Variants in PARP4 observed in about 807,000 individuals in gnomAD.
PARP4 encodes poly(ADP-ribose) polymerase family member 4.
In PARP4, 120 loss-of-function variants were observed where a neutral mutation model predicts 187.7. The observed-to-expected ratio is 0.64, with a 90% CI of 0.55 to 0.74. The LOEUF is 0.74. Ranked by LOEUF, PARP4 falls within the 30% of genes least tolerant of loss-of-function variation. The probability of loss-of-function intolerance (pLI) is 0.00; values close to 1 mark genes in which losing one functional copy is unlikely to be tolerated. For missense variants in PARP4, 1,836 were observed against 2,070.5 expected (o/e 0.89, Z 2.20); for synonymous variants, 654 against 740.9 (o/e 0.88, Z 1.90).
chr13:24,448,585 A>G (rs1871334102), intron 25 of PARP4, among the ~76,000 whole-genome samples: 1 of 152,320 alleles, frequency 6.6e-6, no homozygotes, highest in Non-Finnish European at 1.5e-5. Context: ...AAAACTAAAC[A>G]TAAAATGAGC....
intron 10 of PARP4, among the ~76,000 whole-genome samples, chr13:24,488,294 G>A (rs1021764804): frequency 3.3e-5 from 5 of 152,118 alleles, no homozygotes; most frequent in African/African-American, 1.2e-4. Context: ...CCTAGGGGAG[G>A]GTCAAAAGTC....
At chr13:24,480,149 A>G (rs1347960989) in intron 12 of PARP4, among the ~76,000 whole-genome samples, 1 of 152,238 alleles carries the variant, frequency 6.6e-6, no homozygotes, top group Admixed American at 6.5e-5. Flanking sequence ...TCATTCTTGA[A>G]GTCAGTGAGA....
chr13:24,503,889 T>C (rs868654399), intron 1 of PARP4, 112 bp from the exon 2 acceptor site: 5 of 863,078 alleles, frequency 5.8e-6, no homozygotes, highest in Middle Eastern at 4.5e-4. Context: ...AAGAAAGATA[T>C]TGCAATCATG....
At chr13:24,430,391 G>A (rs1225515977) in intron 32 of PARP4, among the ~76,000 whole-genome samples, 2 of 152,140 alleles carry the variant, frequency 1.3e-5, no homozygotes, top group Non-Finnish European at 2.9e-5. Context: ...GGTGGCTCAT[G>A]CCTGTAATCC....
intron 17 of PARP4, among the ~76,000 whole-genome samples, chr13:24,461,350 TAA>T (rs1011401074): frequency 2.0e-5 from 3 of 152,140 alleles, no homozygotes; most frequent in African/African-American, 7.2e-5. Context: ...CACTGCCACT[TAA>T]TAGAGTGGGA....
At chr13:24,475,161 T>C (rs144164412) in intron 15 of PARP4, among the ~76,000 whole-genome samples, 1,784 of 152,282 alleles carry the variant, frequency 0.012, 117 homozygotes, top group Admixed American at 0.1. Flanking sequence ...TGAAAGCAGC[T>C]CCTCCTGCTT....
chr13:24,491,545 G>A (rs1206951156), intron 9 of PARP4, among the ~76,000 whole-genome samples: 3 of 152,160 alleles, frequency 2.0e-5, no homozygotes, highest in Non-Finnish European at 4.4e-5. Context: ...TCTGTTGAAA[G>A]CGATTATTTC....
At chr13:24,467,178 G>A (rs1566004941) in intron 17 of PARP4, among the ~76,000 whole-genome samples, 1 of 152,166 alleles carries the variant, frequency 6.6e-6, no homozygotes, top group African/African-American at 2.4e-5. Flanking sequence ...GCAATGAGGA[G>A]GACATAAGTC....
rs576646114 is a variant in PARP4, at chr13:24,474,319, G to A, written c.1914+1153C>T. On this transcript the variant is annotated intron_variant, in intron 15 of 33. Coordinates refer to ENST00000381989, the MANE Select transcript of PARP4 (RefSeq NM_006437.4). ...AGGTCCCTTAACTGAATTGTCAATCGTCTCCTCTATGTGATGTGACGTTGG... is the reference window on the plus strand; with the variant it reads ...AGGTCCCTTAACTGAATTGTCAATCATCTCCTCTATGTGATGTGACGTTGG... Among the ~76,000 whole-genome samples the A allele has an allele frequency of 1.4e-3, 201 of 143,466 alleles. 1 individual carries two copies. Among genetic ancestry groups the A allele is most frequent in the Middle Eastern group, 7.1e-3 (2 of 280 alleles). 94.1% of individuals were successfully genotyped at this position (143,466 alleles called of 152,430 possible).
intron 1 of PARP4, among the ~76,000 whole-genome samples, chr13:24,507,277 G>A (rs549063787): frequency 6.6e-6 from 1 of 152,370 alleles, no homozygotes; most frequent in African/African-American, 2.4e-5. Context: ...AGCGTAGCCA[G>A]AGTGGGCGCC....
intron 32 of PARP4, among the ~76,000 whole-genome samples, chr13:24,430,359 A>C (rs974105910): frequency 1.1e-4 from 16 of 152,168 alleles, no homozygotes; most frequent in Non-Finnish European, 1.9e-4. Flanking sequence ...TTATTTAAAA[A>C]AAAAATCTCC....
chr13:24,473,425 G>A (rs1016524172), intron 15 of PARP4, among the ~76,000 whole-genome samples: 2 of 152,122 alleles, frequency 1.3e-5, no homozygotes, highest in African/African-American at 4.8e-5. Flanking sequence ...AGTCTTTGGA[G>A]ATATTTCGAT....
chr13:24,439,472 C>T (rs1382823003), intron 30 of PARP4, among the ~76,000 whole-genome samples: 1 of 143,426 alleles, frequency 7.0e-6, no homozygotes, highest in Non-Finnish European at 1.5e-5. Context: ...TCCCTCCAGA[C>T]CTTTTCTGTG....
chr13:24,445,272 G>C lies in PARP4; in HGVS notation c.3366+1409C>G, dbSNP rs571782481. On this transcript the variant is annotated intron_variant, in intron 27 of 33. Transcript: ENST00000381989. The stretch of plus-strand genomic sequence containing the variant: ...GAACTTCCCTACAGACATAAGAAAT[G>C]TATGTATTTGTTATTCCTAACAGGA... Among the ~76,000 whole-genome samples the C allele has an allele frequency of 1.8e-3, 275 of 151,974 alleles. 2 individuals are homozygous for C. Among genetic ancestry groups the C allele is most frequent in the African/African-American group, 6.4e-3 (264 of 41,448 alleles).
chr13:24,503,568 T>G, intron 2 of PARP4, 77 bp downstream of exon 2: 1 of 1,519,346 alleles, frequency 6.6e-7, no homozygotes, highest in Non-Finnish European at 9.1e-7. Context: ...TAATCTCTGC[T>G]TCCTCTTCTA....
intron 8 of PARP4, among the ~76,000 whole-genome samples, chr13:24,493,092 T>G (rs1054677575): frequency 1.1e-4 from 17 of 152,380 alleles, no homozygotes; most frequent in African/African-American, 4.1e-4. Flanking sequence ...AACAATGCAG[T>G]TGCACAAGTT....
intron 21 of PARP4, among the ~76,000 whole-genome samples, chr13:24,455,506 T>TATATATATATATATATATCA (rs1555234626): frequency 1.5e-5 from 2 of 135,450 alleles, no homozygotes; most frequent in Non-Finnish European, 3.2e-5. Flanking sequence ...TATATATATA[T>TATATATATATATATATATCA]CACACTATTC....
At chr13:24,504,580 C>T (rs1869506523) in intron 1 of PARP4, among the ~76,000 whole-genome samples, 1 of 152,066 alleles carries the variant, frequency 6.6e-6, no homozygotes, top group Admixed American at 6.5e-5. Flanking sequence ...TGAGCCACCA[C>T]ACCCAGCCTG....
intron 1 of PARP4, among the ~76,000 whole-genome samples, chr13:24,505,268 A>G (rs974962856): frequency 6.6e-6 from 1 of 152,162 alleles, no homozygotes; most frequent in African/African-American, 2.4e-5. Context: ...CTAATGCCAC[A>G]GCCCACTGCT....
Sources: allele counts gnomAD v4.1 joint callset (sites outside exome capture counted in the v4.1 genomes callset), GRCh38; gene constraint gnomAD v4.1.1; transcripts MANE v1.5; gene names NCBI Gene and HGNC (gene_info 2026-07-23, HGNC 2026-07-21).